The following KIF1A variants were observed in gnomAD, a reference collection of about 807,000 sequenced individuals.
KIF1A encodes the protein kinesin family member 1A, also known as kinesin-like protein KIF1A.
Under a neutral mutation model 227.3 loss-of-function variants are expected in KIF1A, and 46 were observed. That is an observed-to-expected ratio of 0.20 (90% CI 0.16 to 0.26). The LOEUF is 0.26. KIF1A is among the 10% of genes least tolerant of loss of function. The pLI is 1.00. For missense variants in KIF1A, 1,683 were observed against 2,485.9 expected (o/e 0.68, Z 6.87); for synonymous variants, 1,022 against 1,012.8 (o/e 1.01, Z -0.17).
chr2:240,801,864 C>A (rs2057002086), intron 1 of KIF1A, among the ~76,000 whole-genome samples: 1 of 152,206 alleles, frequency 6.6e-6, no homozygotes, highest in Non-Finnish European at 1.5e-5. Context: ...TATTCACAAG[C>A]CACCCTGTTT....
At chr2:240,787,731 G>A (rs1056285862) in intron 4 of KIF1A, among the ~76,000 whole-genome samples, 1 of 152,086 alleles carries the variant, frequency 6.6e-6, no homozygotes, top group Non-Finnish European at 1.5e-5. Context: ...ACCTCTCTCT[G>A]CCCACACTGC....
At chr2:240,734,416 G>A (rs888608919) in intron 38 of KIF1A, among the ~76,000 whole-genome samples, 3 of 152,222 alleles carry the variant, frequency 2.0e-5, no homozygotes, top group Non-Finnish European at 4.4e-5. Context: ...AGGAGGAGCA[G>A]GAGGCCAGCC....
chr2:240,745,158 A>C (rs2125786530), intron 32 of KIF1A, among the ~76,000 whole-genome samples: 1 of 152,080 alleles, frequency 6.6e-6, no homozygotes, highest in South Asian at 2.1e-4. Flanking sequence ...GCCCCACTGC[A>C]CCTGCATCCG....
chr2:240,794,456 T>C (rs2056135416), intron 2 of KIF1A, among the ~76,000 whole-genome samples: 1 of 152,216 alleles, frequency 6.6e-6, no homozygotes, highest in Non-Finnish European at 1.5e-5. Context: ...GCCTCACTCT[T>C]GGGCTCCGTG....
intron 34 of KIF1A, among the ~76,000 whole-genome samples, chr2:240,742,189 G>A (rs1021368530): frequency 1.3e-5 from 2 of 152,194 alleles, no homozygotes; most frequent in African/African-American, 4.8e-5. Context: ...TGCAAGGCAG[G>A]CACAAGAGGC....
chr2:240,763,747 A>G (rs1302205838), intron 20 of KIF1A, among the ~76,000 whole-genome samples: 1 of 152,120 alleles, frequency 6.6e-6, no homozygotes, highest in African/African-American at 2.4e-5. Flanking sequence ...TCCACAGAGC[A>G]CTGCTGCAGG....
At chr2:240,768,776 C>T (rs1263500872) in intron 17 of KIF1A, among the ~76,000 whole-genome samples, 1 of 152,204 alleles carries the variant, frequency 6.6e-6, no homozygotes, top group African/African-American at 2.4e-5. Flanking sequence ...GCACCCAGCT[C>T]TGTGAGCAGC....
chr2:240,808,119 A>T (rs569017890), intron 1 of KIF1A, among the ~76,000 whole-genome samples: 1 of 152,318 alleles, frequency 6.6e-6, no homozygotes, highest in South Asian at 2.1e-4. Flanking sequence ...CTCTACTTCT[A>T]TTTAACATTG....
At position 240,765,812 on chromosome 2, in the gene KIF1A, G is replaced by T; in HGVS notation, c.1685-19C>A. The T allele has an allele frequency of 6.3e-7, 1 of 1,596,852 alleles. No homozygotes were observed. The highest frequency in any genetic ancestry group is 8.6e-7 in the Non-Finnish European group (1 of 1,164,836). On this transcript the variant is annotated intron_variant, in intron 19 of 48. Transcript: ENST00000498729. ...ACCACAGCTACAGGAAAGGTGGGAGGGGCAGAGAGGAGGACTATGAGGGGC... is the reference window on the plus strand; with the variant it reads ...ACCACAGCTACAGGAAAGGTGGGAGTGGCAGAGAGGAGGACTATGAGGGGC...
intron 33 of KIF1A, 47 bp downstream of exon 33, chr2:240,743,895 G>T (rs115037937): frequency 8.0e-7 from 1 of 1,251,872 alleles, no homozygotes; most frequent in Non-Finnish European, 1.2e-6. Context: ...ATCTGGGCAG[G>T]GGCTTTGAGG....
At chr2:240,765,430 G>A (rs2051049983) in intron 20 of KIF1A, among the ~76,000 whole-genome samples, 1 of 152,248 alleles carries the variant, frequency 6.6e-6, no homozygotes, top group Admixed American at 6.5e-5. Flanking sequence ...TTCCTAGGCA[G>A]GCACACCCTG....
rs2047300236 is a variant in KIF1A at position 240,736,172 on chromosome 2, T to C, written c.4007+891A>G. On this transcript the variant is annotated intron_variant, in intron 38 of 48. Transcript: ENST00000498729. The surrounding 1 kb of genome is among the most constrained non-coding windows in gnomAD (Gnocchi z 4.7). ...CGACGCCCGCCAGGACCCTCCTTCC[T>C]TATGACCCTGACCCTCCTTGCAGGG... Among the ~76,000 whole-genome samples the C allele has an allele frequency of 6.6e-6, 1 of 152,152 alleles. No individual in the cohort carries two copies.
chr2:240,770,537 C>T (rs2051816333), intron 15 of KIF1A, among the ~76,000 whole-genome samples: 1 of 152,206 alleles, frequency 6.6e-6, no homozygotes, highest in Non-Finnish European at 1.5e-5. Flanking sequence ...CTCCTCTCCA[C>T]CCACAGATGC....
chr2:240,728,364 G>A, intron 38 of KIF1A: 1 of 1,290,718 alleles, frequency 7.7e-7, no homozygotes, highest in South Asian at 1.2e-5. Context: ...ACCAAGCAAG[G>A]GCGGAAGAGA....
rs768926122 is a variant in KIF1A, at chr2:240,767,334, G to A, written c.1509C>T (p.Leu503=). Residue 503 remains leucine, a synonymous_variant, in exon 18 of 49, where the codon CTC becomes CTT. Coordinates refer to ENST00000498729, the MANE Select transcript of KIF1A (RefSeq NM_001244008.2). ...TCAGCGGGTCCTCGTTCAGGTTGAC[G>A]AGGTGTGGTGTCTGCAGGGAGACAG... The part of the protein sequence containing the change: ...GVFSPKKTPH[L]VNLNEDPLMS... The A allele has an allele frequency of 9.9e-6, 16 of 1,613,366 alleles. No homozygotes were observed. Among genetic ancestry groups the A allele is most frequent in the Middle Eastern group, 1.6e-4 (1 of 6,084 alleles).
chr2:240,777,707 G>A (rs974913114), intron 10 of KIF1A, among the ~76,000 whole-genome samples: 8 of 152,194 alleles, frequency 5.3e-5, no homozygotes, highest in African/African-American at 9.7e-5. Flanking sequence ...ACACCCGCCC[G>A]CTGCTGCCAC....
rs772118103 is a variant in KIF1A, at chr2:240,734,789, C to A, written c.4007+2274G>T. 7 of 1,301,612 alleles carry A rather than the reference C, an allele frequency of 5.4e-6. No homozygotes were observed. The African/African-American group carries it at 9.1e-5, about 17-fold the overall frequency. 80.6% of individuals were successfully genotyped at this position (1,301,612 alleles called of 1,614,324 possible). A position where few individuals can be genotyped will look rare whatever the true frequency, so the allele number is the denominator to read the frequency against. On this transcript the variant is annotated intron_variant, in intron 38 of 48. Transcript: ENST00000498729. ...CACACGGTTAGTGAGGGCCGGGCAG[C>A]GCAGCGGGAGCGGGGTGGGGGACAG...
Position 240,814,302 on chromosome 2 carries a change from G to A in KIF1A, c.-61+5820C>T, listed in dbSNP as rs146383429. On this transcript the variant is annotated intron_variant, in intron 1 of 48. Transcript: ENST00000498729. ...CTAAAAGCTTCCAGGGAGAAAAGAC[G>A]AGTTGCCAACAAAGCCTGCTCATAA... 9.9e-5 allele frequency among the ~76,000 whole-genome samples: 15 copies of A among 152,072 alleles called. No homozygotes were observed. The East Asian group carries it at 1.2e-3, about 12-fold the overall frequency.
intron 34 of KIF1A, 113 bp downstream of exon 34, chr2:240,742,816 G>T: frequency 1.0e-6 from 1 of 975,274 alleles, no homozygotes; most frequent in Non-Finnish European, 1.6e-6. Flanking sequence ...GAGTGCCTGG[G>T]AGGGCACAGC....
Sources: allele counts gnomAD v4.1 joint callset (sites outside exome capture counted in the v4.1 genomes callset), GRCh38; gene constraint gnomAD v4.1.1; non-coding constraint Gnocchi (gnomAD v3.1); transcripts MANE v1.5; gene names NCBI Gene and HGNC (gene_info 2026-07-23, HGNC 2026-07-21).